The following PLCB1 variants were observed in gnomAD, a reference collection of about 807,000 sequenced individuals.
The protein encoded by PLCB1 is phospholipase C beta 1.
PLCB1 carries 46 observed loss-of-function variants against 161.8 expected under a neutral mutation model. The observed-to-expected ratio is 0.28, with a 90% CI of 0.22 to 0.36. The LOEUF is 0.36. PLCB1 is among the 10% of genes least tolerant of loss of function. The pLI is 1.00. For missense variants in PLCB1, 1,016 were observed against 1,472.5 expected (o/e 0.69, Z 5.07); for synonymous variants, 517 against 503.7 (o/e 1.03, Z -0.35).
intron 2 of PLCB1, among the ~76,000 whole-genome samples, chr20:8,292,387 C>T (rs1363507067): frequency 6.6e-6 from 1 of 152,052 alleles, no homozygotes. Flanking sequence ...TAACCAATTG[C>T]TTAAGAAAAG....
At chr20:8,412,822 T>G (rs916081473) in intron 3 of PLCB1, among the ~76,000 whole-genome samples, 10 of 152,186 alleles carry the variant, frequency 6.6e-5, no homozygotes, top group Non-Finnish European at 1.0e-4. Context: ...ATATGTGCTT[T>G]GGAAATAAAA....
At chr20:8,405,578 T>C (rs1158056340) in intron 3 of PLCB1, among the ~76,000 whole-genome samples, 1 of 152,190 alleles carries the variant, frequency 6.6e-6, no homozygotes, top group Non-Finnish European at 1.5e-5. Context: ...TGGCCACTTT[T>C]GCAATCAATC....
intron 2 of PLCB1, among the ~76,000 whole-genome samples, chr20:8,248,983 T>A: frequency 6.6e-6 from 1 of 151,930 alleles, no homozygotes; most frequent in East Asian, 1.9e-4. Flanking sequence ...ACTCGAGATT[T>A]TAGGAAAGAC....
intron 31 of PLCB1, among the ~76,000 whole-genome samples, chr20:8,837,657 T>A (rs1306157798): frequency 6.6e-6 from 1 of 152,208 alleles, no homozygotes; most frequent in Non-Finnish European, 1.5e-5. Context: ...AGTGGGTTTG[T>A]CATTCAAGAA....
At chr20:8,644,076 C>T (rs1989055411) in intron 4 of PLCB1, among the ~76,000 whole-genome samples, 1 of 152,208 alleles carries the variant, frequency 6.6e-6, no homozygotes, top group South Asian at 2.1e-4. Flanking sequence ...GGATTGCAGA[C>T]GGAGTCTGGT....
intron 3 of PLCB1, among the ~76,000 whole-genome samples, chr20:8,444,211 C>A (rs934677934): frequency 6.6e-6 from 1 of 151,688 alleles, no homozygotes; most frequent in Non-Finnish European, 1.5e-5. Context: ...CATGACAGGC[C>A]GCGGTGTGTG....
intron 2 of PLCB1, among the ~76,000 whole-genome samples, chr20:8,228,180 A>T (rs922224286): frequency 6.6e-6 from 1 of 152,038 alleles, no homozygotes; most frequent in African/African-American, 2.4e-5. Context: ...AATAAATAAG[A>T]TAAGATAAAA....
chr20:8,272,005 T>C (rs963389688), intron 2 of PLCB1, among the ~76,000 whole-genome samples: 1 of 152,130 alleles, frequency 6.6e-6, no homozygotes, highest in Non-Finnish European at 1.5e-5. Flanking sequence ...GTGTCATCCT[T>C]TCAAGATTTT....
At chr20:8,164,581 G>A (rs2051657572) in intron 2 of PLCB1, among the ~76,000 whole-genome samples, 1 of 152,306 alleles carries the variant, frequency 6.6e-6, no homozygotes, top group South Asian at 2.1e-4. Flanking sequence ...GATCAGGAAT[G>A]GCTCTTCAGA....
At chr20:8,505,893 T>C (rs1983618716) in intron 3 of PLCB1, among the ~76,000 whole-genome samples, 1 of 152,340 alleles carries the variant, frequency 6.6e-6, no homozygotes, top group Middle Eastern at 3.4e-3. Flanking sequence ...CTATTATTAT[T>C]GGAGGAATCT....
intron 3 of PLCB1, among the ~76,000 whole-genome samples, chr20:8,533,080 T>G (rs1345565368): frequency 6.7e-6 from 1 of 150,040 alleles, no homozygotes; most frequent in Non-Finnish European, 1.5e-5. Flanking sequence ...GTTCTCATTG[T>G]TCAATTCCCA....
intron 2 of PLCB1, among the ~76,000 whole-genome samples, chr20:8,302,610 G>T (rs1282967190): frequency 6.6e-6 from 1 of 152,154 alleles, no homozygotes; most frequent in African/African-American, 2.4e-5. Flanking sequence ...CATGTTTTCA[G>T]AATTTAAATA....
At chr20:8,136,619 C>A (rs1434232834) in intron 1 of PLCB1, among the ~76,000 whole-genome samples, 2 of 125,342 alleles carry the variant, frequency 1.6e-5, no homozygotes, top group African/African-American at 6.9e-5. Flanking sequence ...GAGCAAGACT[C>A]TGTCTCAAAA....
At chr20:8,459,544 T>C (rs1373499259) in intron 3 of PLCB1, among the ~76,000 whole-genome samples, 1 of 152,214 alleles carries the variant, frequency 6.6e-6, no homozygotes, top group African/African-American at 2.4e-5. Flanking sequence ...TCAAATATTA[T>C]TAAAGAGTGA....
At chr20:8,618,507 GA>G (rs901710791) in intron 3 of PLCB1, among the ~76,000 whole-genome samples, 247 of 143,086 alleles carry the variant, frequency 1.7e-3, no homozygotes, top group African/African-American at 4.8e-3. Flanking sequence ...CCACAAAAAG[GA>G]AAAAAAAAAA....
At chr20:8,654,293 A>G (rs75630064) in intron 7 of PLCB1, among the ~76,000 whole-genome samples, 3,368 of 152,170 alleles carry the variant, frequency 0.022, 48 homozygotes, top group Middle Eastern at 0.092. Flanking sequence ...AGATTATACT[A>G]GCCTTCTTAA....
At chr20:8,162,643 G>C (rs1433093499) in intron 2 of PLCB1, among the ~76,000 whole-genome samples, 1 of 152,210 alleles carries the variant, frequency 6.6e-6, no homozygotes, top group Non-Finnish European at 1.5e-5. Context: ...TTTTTCATGA[G>C]ATTTCTCCCT....
Position 8,507,098 on chromosome 20 carries a change from G to T in PLCB1, c.247-121196G>T, listed in dbSNP as rs539626448. Among the ~76,000 whole-genome samples the T allele has an allele frequency of 2.0e-5, 3 of 152,178 alleles. No homozygotes were observed. The East Asian group carries it at 5.8e-4, about 29-fold the overall frequency. ...TATTCTTACAATAAAGTAAGGTAGA[G>T]AAAATAAAATGCTACTAAGAAAATT... On this transcript the variant is annotated intron_variant, in intron 3 of 31. Transcript: ENST00000338037.
rs556786168 is a variant in PLCB1 at position 8,738,081 on chromosome 20, T to C, written c.2208+889T>C. ...AAGATATAACTGCATATTTTAGATGTTTCACACTGAGGAAAGAAATGAGTA... is the reference window on the plus strand; with the variant it reads ...AAGATATAACTGCATATTTTAGATGCTTCACACTGAGGAAAGAAATGAGTA... On this transcript the variant is annotated intron_variant, in intron 20 of 31. Coordinates refer to ENST00000338037, the MANE Select transcript of PLCB1 (RefSeq NM_015192.4). 3.9e-5 allele frequency among the ~76,000 whole-genome samples: 6 copies of C among 152,356 alleles called. No individual in the cohort carries two copies. In the South Asian group the frequency reaches 1.2e-3, roughly 32 times the overall value.
Sources: allele counts gnomAD v4.1 joint callset (sites outside exome capture counted in the v4.1 genomes callset), GRCh38; gene constraint gnomAD v4.1.1; transcripts MANE v1.5; gene names NCBI Gene and HGNC (gene_info 2026-07-23, HGNC 2026-07-21).